Variants in ALPK2 observed in about 807,000 individuals in gnomAD.
ALPK2 encodes alpha-protein kinase 2.
ALPK2 carries 127 observed loss-of-function variants against 163.1 expected under a neutral mutation model. The ratio of observed to expected loss-of-function variants is 0.78; its 90% CI spans 0.67 to 0.90. The LOEUF is 0.90. ALPK2 is among the 40% of genes least tolerant of loss of function. ALPK2 has a pLI of 0.00. For missense variants in ALPK2, 2,360 were observed against 2,589.6 expected (o/e 0.91, Z 1.92); for synonymous variants, 953 against 959.1 (o/e 0.99, Z 0.12).
At chr18:58,514,879 T>C in intron 10 of ALPK2, 114 bp downstream of exon 10, 1 of 626,334 alleles carries the variant, frequency 1.6e-6, no homozygotes, top group Non-Finnish European at 2.7e-6. Context: ...TCATGGAGCT[T>C]ACAGACTGAG....
intron 6 of ALPK2, among the ~76,000 whole-genome samples, chr18:58,528,203 C>A (rs1399799410): frequency 1.3e-5 from 2 of 152,228 alleles, no homozygotes; most frequent in East Asian, 3.8e-4. Context: ...TTCTCACGCT[C>A]ATCTCTTGCC....
Position 58,484,752 on chromosome 18 carries a change from T to TATAATAACAATA in ALPK2, c.6297-2714_6297-2713insTATTGTTATTAT, listed in dbSNP as rs1555659658. Among the ~76,000 whole-genome samples, 6 of 149,696 alleles carry TATAATAACAATA rather than the reference T, an allele frequency of 4.0e-5. No individual in the cohort carries two copies. The South Asian group carries it at 8.4e-4, about 21-fold the overall frequency. On this transcript the variant is annotated intron_variant, in intron 12 of 12. Coordinates refer to ENST00000361673, the MANE Select transcript of ALPK2 (RefSeq NM_052947.4). ...AGCGAGACTTCGTCTCAAAAAATAATATAATAATAATAATAATAATGCCCA... is the reference window on the plus strand; with the variant it reads ...AGCGAGACTTCGTCTCAAAAAATAATATAATAACAATAATAATAATAATAATAATAATGCCCA...
intron 1 of ALPK2, among the ~76,000 whole-genome samples, chr18:58,620,103 C>T (rs2052190437): frequency 6.6e-6 from 1 of 152,128 alleles, no homozygotes; most frequent in South Asian, 2.1e-4. Flanking sequence ...CCAGCCAGGC[C>T]AACATGGTGA....
Position 58,565,731 on chromosome 18 carries a change from G to GTTCCTTCC in ALPK2, c.1962+13075_1962+13082dup, listed in dbSNP as rs74183271. Among the ~76,000 whole-genome samples the GTTCCTTCC allele has an allele frequency of 8.3e-3, 1,215 of 145,872 alleles. 22 individuals are homozygous for GTTCCTTCC. Among genetic ancestry groups the GTTCCTTCC allele is most frequent in the African/African-American group, 0.026 (1,024 of 38,932 alleles). On this transcript the variant is annotated intron_variant, in intron 4 of 12. Transcript: ENST00000361673. Reference sequence around the variant, plus strand: ...AAAATTATTGATATTTCTCTTTTTTGTTCCTTCCTTCCTTCCTTCCTTCCT... The same window carrying GTTCCTTCC: ...AAAATTATTGATATTTCTCTTTTTTGTTCCTTCCTTCCTTCCTTCCTTCCTTCCTTCCT...
At position 58,516,503 on chromosome 18, in the gene ALPK2, C is replaced by G. The variant is rs145578439; in HGVS notation, c.5940+405G>C. ...CCTCTCCCTCTCCACAAAACAAAAC[C>G]AAACAAAACACTCCAGCAACTAGTG... On this transcript the variant is annotated intron_variant, in intron 9 of 12. Transcript: ENST00000361673. Among the ~76,000 whole-genome samples the G allele has an allele frequency of 7.3e-3, 1,118 of 152,218 alleles. 14 individuals carry two copies. The highest frequency in any genetic ancestry group is 0.026 in the African/African-American group (1,079 of 41,534).
intron 9 of ALPK2, 43 bp downstream of exon 9, chr18:58,516,865 G>A (rs1018876413): frequency 6.3e-7 from 1 of 1,592,230 alleles, no homozygotes; most frequent in Non-Finnish European, 8.6e-7. Context: ...ATCATGGGTG[G>A]TTCTCACACC....
intron 12 of ALPK2, among the ~76,000 whole-genome samples, chr18:58,492,287 C>G (rs58017790): frequency 2.0e-5 from 3 of 151,898 alleles, no homozygotes; most frequent in Non-Finnish European, 4.4e-5. Context: ...CATATATACG[C>G]GCACACACAC....
chr18:58,592,622 T>G lies in ALPK2; in HGVS notation c.228-12074A>C, dbSNP rs531689842. Among the ~76,000 whole-genome samples the G allele has an allele frequency of 6.6e-5, 10 of 152,052 alleles. No individual in the cohort carries two copies. In the South Asian group the frequency reaches 1.2e-3, roughly 19 times the overall value. On this transcript the variant is annotated intron_variant, in intron 3 of 12. Transcript: ENST00000361673. ...GGCAGTGGGTGGGGAGGAGCTCCGG[T>G]GTGGAGGGTGCGGAATTCTGTCCAG...
intron 2 of ALPK2, among the ~76,000 whole-genome samples, chr18:58,609,944 AGGCTGAGC>A (rs1255484562): frequency 9.2e-5 from 14 of 152,126 alleles, no homozygotes; most frequent in African/African-American, 3.4e-4. Flanking sequence ...GGGCTTGGAG[AGGCTGAGC>A]GCACAGTTCT....
At chr18:58,559,015 G>A (rs1046756239) in intron 4 of ALPK2, among the ~76,000 whole-genome samples, 1 of 152,210 alleles carries the variant, frequency 6.6e-6, no homozygotes, top group Non-Finnish European at 1.5e-5. Flanking sequence ...ATGGTTGGTT[G>A]CACAATTTGT....
intron 3 of ALPK2, among the ~76,000 whole-genome samples, chr18:58,581,821 T>C (rs2051960548): frequency 6.6e-6 from 1 of 152,222 alleles, no homozygotes; most frequent in African/African-American, 2.4e-5. Context: ...AGGCAATGCT[T>C]AGGTCTTTAT....
At chr18:58,498,023 T>C in intron 12 of ALPK2, 26 bp downstream of exon 12, 1 of 1,612,854 alleles carries the variant, frequency 6.2e-7, no homozygotes, top group Non-Finnish European at 8.5e-7. Context: ...TGTTAATTGA[T>C]GCACACTCCA....
chr18:58,514,984 C>T lies in ALPK2; in HGVS notation c.6029+9G>A. 6.2e-7 allele frequency: 1 copy of T among 1,607,604 alleles called. No homozygotes were observed. The highest frequency in any genetic ancestry group is 8.5e-7 in the Non-Finnish European group (1 of 1,176,494). On this transcript the variant is annotated intron_variant, in intron 10 of 12. Transcript: ENST00000361673. Reference sequence around the variant, plus strand: ...GGAGTGTGACACAAGGCAGGGTAAACACACTTACTCAGGTACTTCTCCAAA... The same window carrying T: ...GGAGTGTGACACAAGGCAGGGTAAATACACTTACTCAGGTACTTCTCCAAA...
intron 3 of ALPK2, among the ~76,000 whole-genome samples, chr18:58,588,688 T>C (rs2051999402): frequency 6.6e-6 from 1 of 152,194 alleles, no homozygotes; most frequent in Non-Finnish European, 1.5e-5. Flanking sequence ...ATGTGGTTTT[T>C]GGTTTTCTGT....
Position 58,536,114 on chromosome 18 carries a change from G to A in ALPK2, c.4073C>T (p.Ser1358Leu), listed in dbSNP as rs200994246. The change falls in exon 5 of 13, where the codon TCA becomes TTA. Residue 1358 changes from serine to leucine, a missense_variant. Physicochemically the swap from Ser to Leu is moderately radical, Grantham distance 145. Transcript: ENST00000361673. ...CTTCCCTCCAGTTTCAGAAGCCGCT[G>A]ACAGTGAATCTGTGACAGATAACTC... ...EKELSVTDSLSAASETGGKEN... is the reference protein window; with the variant it reads ...EKELSVTDSLLAASETGGKEN... 8.7e-6 allele frequency: 14 copies of A among 1,614,014 alleles called. No individual in the cohort carries two copies. The highest frequency in any genetic ancestry group is 6.6e-5 in the South Asian group (6 of 91,078).
chr18:58,604,386 A>G (rs1245194057), intron 3 of ALPK2, among the ~76,000 whole-genome samples: 1 of 152,246 alleles, frequency 6.6e-6, no homozygotes, highest in Non-Finnish European at 1.5e-5. Context: ...ACATATTGGT[A>G]TAAGTCAAAT....
intron 8 of ALPK2, among the ~76,000 whole-genome samples, chr18:58,521,654 A>T (rs1302716953): frequency 3.8e-5 from 1 of 26,458 alleles, no homozygotes; most frequent in Non-Finnish European, 9.5e-5. Flanking sequence ...TTTGAGATGG[A>T]GTCTTGCTGT....
intron 6 of ALPK2, among the ~76,000 whole-genome samples, chr18:58,525,967 GAAAA>G (rs10653750): frequency 1.6e-3 from 189 of 117,718 alleles, no homozygotes; most frequent in Admixed American, 3.5e-3. Context: ...TGATGAAAAA[GAAAA>G]AAAAAAAAAA....
At chr18:58,484,663 GA>G (rs1160155501) in intron 12 of ALPK2, among the ~76,000 whole-genome samples, 1 of 152,170 alleles carries the variant, frequency 6.6e-6, no homozygotes, top group Non-Finnish European at 1.5e-5. Flanking sequence ...AGAATCATTT[GA>G]ATCCAGGAGG....
Sources: allele counts gnomAD v4.1 joint callset (sites outside exome capture counted in the v4.1 genomes callset), GRCh38; gene constraint gnomAD v4.1.1; transcripts MANE v1.5; gene names NCBI Gene and HGNC (gene_info 2026-07-23, HGNC 2026-07-21).